The following IGF2BP2 variants were observed in gnomAD, a reference collection of about 807,000 sequenced individuals.
IGF2BP2 encodes insulin-like growth factor 2 mRNA-binding protein 2.
Under a neutral mutation model 75.8 loss-of-function variants are expected in IGF2BP2, and 17 were observed. The observed-to-expected ratio is 0.22, with a 90% CI of 0.15 to 0.34. The LOEUF is 0.34. Among genes scored for constraint, IGF2BP2 ranks in the 10% least tolerant of loss-of-function variants. The probability of loss-of-function intolerance (pLI) is 1.00; values close to 1 mark genes in which losing one functional copy is unlikely to be tolerated. For missense variants in IGF2BP2, 516 were observed against 772.4 expected, an observed-to-expected ratio of 0.67 and a Z score of 3.93; for synonymous variants, 288 against 295.6, an observed-to-expected ratio of 0.97 and a Z score of 0.26.
chr3:185,676,513 C>T (rs1042632402), intron 7 of IGF2BP2, among the ~76,000 whole-genome samples: 1 of 151,940 alleles, frequency 6.6e-6, no homozygotes, highest in African/African-American at 2.4e-5. Flanking sequence ...ACTGTCCTTA[C>T]TAAAAACACA....
rs556539892 is a variant in IGF2BP2 at position 185,774,141 on chromosome 3, A to G, written c.239+49012T>C. 7.2e-5 allele frequency among the ~76,000 whole-genome samples: 11 copies of G among 152,274 alleles called. No homozygotes were observed. In the East Asian group the frequency reaches 1.9e-3, roughly 27 times the overall value. ...TGGAAGGGCAAATAATTATGGCCTC[A>G]TCCTTACTCCAGTTCATACAATTGA... On this transcript the variant is annotated intron_variant, in intron 2 of 15. Coordinates refer to ENST00000382199, the MANE Select transcript of IGF2BP2 (RefSeq NM_006548.6).
chr3:185,673,349 T>C (rs927891545), intron 9 of IGF2BP2, among the ~76,000 whole-genome samples: 1 of 152,268 alleles, frequency 6.6e-6, no homozygotes, highest in Non-Finnish European at 1.5e-5. Context: ...TAAAACAAAT[T>C]GGATTAACAG....
intron 2 of IGF2BP2, among the ~76,000 whole-genome samples, chr3:185,799,194 G>A (rs1026683459): frequency 1.3e-5 from 2 of 151,700 alleles, no homozygotes; most frequent in African/African-American, 4.8e-5. Context: ...GAGCCCAGGA[G>A]TATGAGACCA....
At chr3:185,732,750 A>G (rs1049810164) in intron 2 of IGF2BP2, among the ~76,000 whole-genome samples, 1 of 152,284 alleles carries the variant, frequency 6.6e-6, no homozygotes, top group Non-Finnish European at 1.5e-5. Context: ...GAACTGCTAC[A>G]TGACCAAGGA....
intron 2 of IGF2BP2, among the ~76,000 whole-genome samples, chr3:185,760,661 GGGTCTGTCCTCCAACCCCCA>G (rs1732242595): frequency 6.6e-6 from 1 of 152,136 alleles, no homozygotes; most frequent in Admixed American, 6.6e-5. Flanking sequence ...ACTTGTTTGG[GGGTCTGTCCTCCAACCCCCA>G]GGTAAGGCAG....
At chr3:185,646,937 G>T in intron 15 of IGF2BP2, 88 bp downstream of exon 15, 1 of 960,296 alleles carries the variant, frequency 1.0e-6, no homozygotes, top group Non-Finnish European at 1.7e-6. Flanking sequence ...GATGCTCAGG[G>T]CCTGTGGCCA....
intron 2 of IGF2BP2, among the ~76,000 whole-genome samples, chr3:185,763,280 C>T (rs4686692): frequency 0.87 from 131,657 of 152,194 alleles, 57,429 homozygotes; most frequent in East Asian, 1. Flanking sequence ...CATTTTAAAA[C>T]AAGCTTTTTC....
chr3:185,690,801 G>A (rs1004673756), intron 5 of IGF2BP2, among the ~76,000 whole-genome samples: 1 of 152,148 alleles, frequency 6.6e-6, no homozygotes, highest in Non-Finnish European at 1.5e-5. Context: ...TTATCAATTT[G>A]ATAGGGGATA....
intron 10 of IGF2BP2, among the ~76,000 whole-genome samples, chr3:185,667,023 A>C (rs184440280): frequency 6.6e-6 from 1 of 152,204 alleles, no homozygotes; most frequent in Non-Finnish European, 1.5e-5. Flanking sequence ...TAAAACTGTC[A>C]AATAGTATAA....
At chr3:185,669,670 G>A (rs1407695212) in intron 10 of IGF2BP2, among the ~76,000 whole-genome samples, 1 of 152,008 alleles carries the variant, frequency 6.6e-6, no homozygotes, top group Non-Finnish European at 1.5e-5. Context: ...TATAAGGAGG[G>A]ACACAGACTC....
chr3:185,739,059 T>C (rs1217145606), intron 2 of IGF2BP2, among the ~76,000 whole-genome samples: 2 of 152,182 alleles, frequency 1.3e-5, no homozygotes, highest in East Asian at 3.8e-4. Context: ...AATAAAAATA[T>C]TCCTAAAAGC....
intron 2 of IGF2BP2, among the ~76,000 whole-genome samples, chr3:185,770,853 T>C (rs1373631671): frequency 1.3e-5 from 2 of 152,162 alleles, no homozygotes; most frequent in African/African-American, 4.8e-5. Flanking sequence ...TGGGCTGAAG[T>C]AATCCTCCCA....
At chr3:185,674,126 C>T (rs1298614046) in intron 9 of IGF2BP2, among the ~76,000 whole-genome samples, 1 of 152,146 alleles carries the variant, frequency 6.6e-6, no homozygotes, top group Non-Finnish European at 1.5e-5. Context: ...GAGGGTACAA[C>T]AGAAAGTGCT....
intron 7 of IGF2BP2, among the ~76,000 whole-genome samples, chr3:185,677,104 G>GAGAGAGAT (rs1719670456): frequency 7.6e-6 from 1 of 131,934 alleles, no homozygotes; most frequent in Non-Finnish European, 1.6e-5. Context: ...GAGAGAGAGA[G>GAGAGAGAT]AGATGTATAT....
rs966220575 is a variant in IGF2BP2 at position 185,821,126 on chromosome 3, T to C, written c.239+2027A>G. ...TACCGGTCATTAGCTATCTCTCCCT[T>C]AGCCTGCAGTACAAGTAGCTAATTT... On this transcript the variant is annotated intron_variant, in intron 2 of 15. Coordinates refer to ENST00000382199, the MANE Select transcript of IGF2BP2 (RefSeq NM_006548.6). 21 of 1,503,288 alleles carry C rather than the reference T, an allele frequency of 1.4e-5. No homozygotes were observed. The African/African-American group carries it at 2.7e-4, about 19-fold the overall frequency. 93.1% of individuals were successfully genotyped at this position (1,503,288 alleles called of 1,614,324 possible). A position where few individuals can be genotyped will look rare whatever the true frequency, so the allele number is the denominator to read the frequency against.
intron 2 of IGF2BP2, among the ~76,000 whole-genome samples, chr3:185,760,026 T>C (rs1732144647): frequency 1.3e-5 from 2 of 152,222 alleles, no homozygotes; most frequent in Admixed American, 6.5e-5. Context: ...ATATAAAAGA[T>C]AAGGATTTTT....
At chr3:185,804,949 C>T (rs1327137153) in intron 2 of IGF2BP2, among the ~76,000 whole-genome samples, 3 of 150,296 alleles carry the variant, frequency 2.0e-5, no homozygotes, top group African/African-American at 7.4e-5. Flanking sequence ...GCCAAGATGG[C>T]GCCACTGCAC....
chr3:185,732,208 A>G (rs1466731406), intron 2 of IGF2BP2, among the ~76,000 whole-genome samples: 3 of 152,062 alleles, frequency 2.0e-5, no homozygotes, highest in Non-Finnish European at 4.4e-5. Context: ...CTTTTTCTCT[A>G]TTGGGAGTGT....
intron 2 of IGF2BP2, among the ~76,000 whole-genome samples, chr3:185,718,705 AAAAG>A (rs1726052755): frequency 1.3e-5 from 2 of 151,254 alleles, no homozygotes; most frequent in Non-Finnish European, 2.9e-5. Flanking sequence ...AAAAAAAAAA[AAAAG>A]AAAGTCAGAA....
Sources: allele counts gnomAD v4.1 joint callset (sites outside exome capture counted in the v4.1 genomes callset), GRCh38; gene constraint gnomAD v4.1.1; transcripts MANE v1.5; gene names NCBI Gene and HGNC (gene_info 2026-07-23, HGNC 2026-07-21).